LAMA2: variants seen among roughly 807,000 people sequenced by gnomAD.
The protein encoded by LAMA2 is laminin subunit alpha-2.
LAMA2 carries 269 observed loss-of-function variants against 364.8 expected under a neutral mutation model. The ratio of observed to expected loss-of-function variants is 0.74; its 90% CI spans 0.67 to 0.82. The LOEUF (loss-of-function observed/expected upper bound fraction) is 0.82. Ranked by LOEUF, LAMA2 falls within the 40% of genes least tolerant of loss-of-function variation. The pLI is 0.00. For missense variants in LAMA2, 3,807 were observed against 3,873.2 expected (o/e 0.98, Z 0.45); for synonymous variants, 1,379 against 1,370.6 (o/e 1.01, Z -0.14).
intron 12 of LAMA2, among the ~76,000 whole-genome samples, chr6:129,233,277 T>C (rs909374783): frequency 2.0e-5 from 3 of 152,164 alleles, no homozygotes; most frequent in Admixed American, 1.3e-4. Flanking sequence ...AATAGGAAAC[T>C]AATGCAATGT....
At chr6:129,132,490 A>G (rs1470520088) in intron 4 of LAMA2, among the ~76,000 whole-genome samples, 1 of 152,228 alleles carries the variant, frequency 6.6e-6, no homozygotes, top group African/African-American at 2.4e-5. Context: ...AATTGCTTGC[A>G]TGAAAATTGG....
chr6:129,085,941 A>G (rs1774356957), intron 3 of LAMA2, among the ~76,000 whole-genome samples: 1 of 152,228 alleles, frequency 6.6e-6, no homozygotes, highest in African/African-American at 2.4e-5. Context: ...TAGTTAGATG[A>G]GCATCATCTC....
rs189658072 is a variant in LAMA2, at chr6:128,940,543, A to T, written c.112+57186A>T. ...TAGTGAGAGAATAAATGGGTAATGC[A>T]TTCATGAGTGAATAAAGATTATATC... On this transcript the variant is annotated intron_variant, in intron 1 of 64. Coordinates refer to ENST00000421865, the MANE Select transcript of LAMA2 (RefSeq NM_000426.4). 4.4e-3 allele frequency among the ~76,000 whole-genome samples: 672 copies of T among 152,370 alleles called. 7 individuals are homozygous for T. The highest frequency in any genetic ancestry group is 0.024 in the Middle Eastern group (7 of 294).
intron 1 of LAMA2, among the ~76,000 whole-genome samples, chr6:129,008,552 T>C (rs1784568595): frequency 6.6e-6 from 1 of 152,182 alleles, no homozygotes; most frequent in Non-Finnish European, 1.5e-5. Flanking sequence ...CGGGTCTACA[T>C]GAATACAAAG....
intron 1 of LAMA2, among the ~76,000 whole-genome samples, chr6:128,965,033 A>T (rs560046601): frequency 6.6e-6 from 1 of 152,126 alleles, no homozygotes; most frequent in South Asian, 2.1e-4. Context: ...CCCCTCATGA[A>T]CAGTTTATAT....
At chr6:129,034,452 GT>G (rs1208978876) in intron 1 of LAMA2, among the ~76,000 whole-genome samples, 7 of 151,156 alleles carry the variant, frequency 4.6e-5, no homozygotes, top group Admixed American at 2.6e-4. Flanking sequence ...TATCATGACA[GT>G]TTTTTTTTCT....
At chr6:128,884,165 T>C (rs1776015831) in intron 1 of LAMA2, among the ~76,000 whole-genome samples, 2 of 152,186 alleles carry the variant, frequency 1.3e-5, no homozygotes. Flanking sequence ...TATGTATATA[T>C]AGCTCTCATT....
chr6:129,264,174 G>A (rs917317227), intron 15 of LAMA2, among the ~76,000 whole-genome samples: 1 of 152,180 alleles, frequency 6.6e-6, no homozygotes, highest in African/African-American at 2.4e-5. Flanking sequence ...AGTAGTTGCT[G>A]TTAGGATCAT....
chr6:129,291,724 A>G lies in LAMA2; in HGVS notation c.2856+4A>G. 1 of 1,589,862 alleles carries G rather than the reference A, an allele frequency of 6.3e-7. No individual in the cohort carries two copies. The highest frequency in any genetic ancestry group is 1.3e-5 in the African/African-American group (1 of 74,522). ...TCAGAGATGTGACAAATGCAAGGTA[A>G]GGAGTAGAGGCTGACCCATAAATTA... On this transcript the variant is annotated splice_donor_region_variant and intron_variant, in intron 20 of 64. Transcript: ENST00000421865.
intron 18 of LAMA2, among the ~76,000 whole-genome samples, chr6:129,282,962 G>A (rs975196694): frequency 2.0e-5 from 3 of 152,074 alleles, no homozygotes; most frequent in African/African-American, 7.2e-5. Context: ...TTGAATCGAG[G>A]GGGTGAAGAG....
intron 22 of LAMA2, among the ~76,000 whole-genome samples, chr6:129,311,577 A>T (rs1774235778): frequency 6.6e-6 from 1 of 152,194 alleles, no homozygotes; most frequent in Non-Finnish European, 1.5e-5. Flanking sequence ...AGCAGGGTGA[A>T]TTTGGAGCTC....
chr6:128,884,228 A>G (rs1003559124), intron 1 of LAMA2, among the ~76,000 whole-genome samples: 4 of 152,218 alleles, frequency 2.6e-5, no homozygotes, highest in Non-Finnish European at 5.9e-5. Flanking sequence ...TGAATTTTAC[A>G]GGAAGCACAT....
At chr6:129,357,374 C>T (rs533914772) in intron 32 of LAMA2, among the ~76,000 whole-genome samples, 2 of 152,088 alleles carry the variant, frequency 1.3e-5, no homozygotes, top group Admixed American at 1.3e-4. Flanking sequence ...CAAGATATTA[C>T]TTCATAAAAA....
At chr6:128,894,028 T>C (rs1203292819) in intron 1 of LAMA2, among the ~76,000 whole-genome samples, 1 of 151,628 alleles carries the variant, frequency 6.6e-6, no homozygotes, top group Non-Finnish European at 1.5e-5. Flanking sequence ...AAAAGAGGAG[T>C]CTGTCAGTGC....
chr6:129,354,557 AATT>A (rs1196143456), intron 32 of LAMA2, among the ~76,000 whole-genome samples: 2 of 152,116 alleles, frequency 1.3e-5, no homozygotes, highest in Non-Finnish European at 2.9e-5. Flanking sequence ...AAGTCAAATA[AATT>A]ATTAACATGC....
chr6:129,085,128 C>T (rs935952094), intron 3 of LAMA2, among the ~76,000 whole-genome samples: 6 of 152,170 alleles, frequency 3.9e-5, no homozygotes, highest in Non-Finnish European at 7.3e-5. Context: ...AATACTACTT[C>T]TGTTTCCTAA....
rs1427021518 is a variant in LAMA2 at position 129,255,330 on chromosome 6, C to T, written c.2096+3035C>T. 3.7e-5 allele frequency among the ~76,000 whole-genome samples: 5 copies of T among 135,226 alleles called. No homozygotes were observed. In the South Asian group the frequency reaches 9.7e-4, roughly 26 times the overall value. 88.7% of individuals were successfully genotyped at this position (135,226 alleles called of 152,430 possible). A position where few individuals can be genotyped will look rare whatever the true frequency, so the allele number is the denominator to read the frequency against. ...CTGAGGCAGTAGAATCACTTGAACC[C>T]GGGATGTGGAGGTTGCAGTGAGCCG... On this transcript the variant is annotated intron_variant, in intron 14 of 64. Transcript: ENST00000421865.
chr6:129,492,882 G>A (rs781214403), intron 58 of LAMA2, among the ~76,000 whole-genome samples: 3 of 152,148 alleles, frequency 2.0e-5, no homozygotes, highest in South Asian at 2.1e-4. Flanking sequence ...GGCCAGGCGC[G>A]GTGGCTCACG....
chr6:129,058,181 G>A (rs1236185649), intron 2 of LAMA2, among the ~76,000 whole-genome samples: 2 of 152,130 alleles, frequency 1.3e-5, no homozygotes, highest in Non-Finnish European at 2.9e-5. Context: ...TGTTTAGAGA[G>A]GGAGAAAGAA....
Sources: gnomAD v4.1 joint callset for allele counts (sites outside exome capture counted in the v4.1 genomes callset) on GRCh38, gnomAD v4.1.1 for gene constraint, MANE v1.5 for transcripts, NCBI Gene and HGNC (gene_info 2026-07-23, HGNC 2026-07-21) for gene names.